The following CENATAC variants were observed in gnomAD, a reference collection of about 807,000 sequenced individuals.
The protein encoded by CENATAC is coiled-coil domain containing 84.
Under a neutral mutation model 53.7 loss-of-function variants are expected in CENATAC, and 53 were observed. The ratio of observed to expected loss-of-function variants is 0.99; its 90% CI spans 0.79 to 1.24. CENATAC has a LOEUF of 1.24. CENATAC is among the 50% of genes most tolerant of loss of function. CENATAC has a pLI of 0.00. For missense variants in CENATAC, 474 were observed against 417.8 expected (o/e 1.13, Z -1.17); for synonymous variants, 156 against 144.6 (o/e 1.08, Z -0.57).
chr11:119,001,554 T>A (rs916574443), intron 3 of CENATAC: 1 of 446,714 alleles, frequency 2.2e-6, no homozygotes, highest in Non-Finnish European at 4.5e-6. Flanking sequence ...AAAAGACTAG[T>A]ATCTACATAT....
At chr11:118,998,829 G>A (rs11822103) in intron 2 of CENATAC, among the ~76,000 whole-genome samples, 182 bp from the exon 3 acceptor site, 33,116 of 152,004 alleles carry the variant, frequency 0.22, 3,899 homozygotes, top group Middle Eastern at 0.32. Context: ...CCTCCCCTCA[G>A]ATTCTCACAA....
intron 4 of CENATAC, among the ~76,000 whole-genome samples, 173 bp downstream of exon 4, chr11:119,011,003 G>A (rs1942842949): frequency 1.3e-5 from 2 of 152,142 alleles, no homozygotes. Flanking sequence ...TACCTTGCAT[G>A]CCCAGTTCAC....
chr11:119,012,335 C>A (rs886247427), intron 7 of CENATAC, 81 bp downstream of exon 7: 128 of 1,457,790 alleles, frequency 8.8e-5, no homozygotes, highest in Admixed American at 1.8e-4. Context: ...TCTACCTATT[C>A]AAGCCACTGC....
chr11:119,011,965 G>A lies in CENATAC; in HGVS notation c.540G>A (p.Glu180=), dbSNP rs1173320837. Residue 180 remains glutamate (E), a synonymous_variant, in exon 6 of 11, where the codon GAG becomes GAA. Coordinates refer to ENST00000334418, the MANE Select transcript of CENATAC (RefSeq NM_198489.3). ...CTCAGGCAGTGCCAGACCCAGAAGA[G>A]GGCTCTTCAGCACCTAGAAGCTGGA... is the stretch of plus-strand genomic sequence containing the variant. ...LEPQAVPDPE[E]GSSAPRSWKG... 1 of 1,614,068 alleles carries A rather than the reference G, an allele frequency of 6.2e-7. No homozygotes were observed. Among genetic ancestry groups the A allele is most frequent in the South Asian group, 1.1e-5 (1 of 91,066 alleles).
At chr11:119,001,832 G>A (rs1942312999) in intron 3 of CENATAC, 2 of 355,672 alleles carry the variant, frequency 5.6e-6, no homozygotes, top group Admixed American at 3.4e-5. Context: ...TGAGGTAAGA[G>A]GATAGCTTGA....
At chr11:119,006,895 G>A (rs1001816053) in intron 3 of CENATAC, among the ~76,000 whole-genome samples, 3 of 152,148 alleles carry the variant, frequency 2.0e-5, no homozygotes, top group Non-Finnish European at 4.4e-5. Flanking sequence ...CCTTTCACTT[G>A]GTTTTCATTC....
chr11:119,004,597 T>G (rs1315146472), intron 3 of CENATAC: 1 of 152,186 alleles, frequency 6.6e-6, no homozygotes, highest in Non-Finnish European at 1.5e-5. Flanking sequence ...GGGCATATAG[T>G]CCTACCTACT....
intron 5 of CENATAC, 69 bp from the exon 6 acceptor site, chr11:119,011,870 G>A: frequency 4.4e-6 from 6 of 1,357,278 alleles, no homozygotes. Flanking sequence ...GGGTCTGGAG[G>A]GTGGAGGCAT....
At chr11:119,015,262 T>C (rs1322483900) in intron 9 of CENATAC, 45 bp from the exon 10 acceptor site, 2 of 1,561,186 alleles carry the variant, frequency 1.3e-6, no homozygotes, top group Non-Finnish European at 1.7e-6. Flanking sequence ...CCCATCTCTA[T>C]ATTCTTCAAT....
At chr11:119,004,928 C>A (rs1262176200) in intron 3 of CENATAC, 2 of 151,958 alleles carry the variant, frequency 1.3e-5, no homozygotes, top group Non-Finnish European at 1.5e-5. Context: ...AGCATGGTGA[C>A]ATTTGCCTGT....
chr11:119,011,321 T>C (rs1489081218), intron 5 of CENATAC, 38 bp downstream of exon 5: 3 of 1,596,886 alleles, frequency 1.9e-6, no homozygotes, highest in Non-Finnish European at 8.6e-7. Flanking sequence ...AGTATCCAAA[T>C]CCACTGATCC....
chr11:119,004,778 A>G (rs556255840), intron 3 of CENATAC: 9 of 154,002 alleles, frequency 5.8e-5, no homozygotes, highest in African/African-American at 2.2e-4. Flanking sequence ...AAAAAAGGCA[A>G]TTCAGTTGCA....
intron 3 of CENATAC, chr11:119,004,789 G>A (rs1942497660): frequency 6.5e-6 from 1 of 153,700 alleles, no homozygotes; most frequent in Non-Finnish European, 1.5e-5. Context: ...TTCAGTTGCA[G>A]TGGCTCATGA....
rs782458323 is a variant in CENATAC, at chr11:118,998,424, C to T, written c.121-6C>T. On this transcript the variant is annotated splice_polypyrimidine_tract_variant and splice_region_variant and intron_variant, in intron 1 of 10. Coordinates refer to ENST00000334418, the MANE Select transcript of CENATAC (RefSeq NM_198489.3). Reference sequence around the variant, plus strand: ...CTCGGGGTTCTACTTGGCCTCTCTGCGGCAGGTGGAGGCGGCCCGCAAGGC... The same window carrying T: ...CTCGGGGTTCTACTTGGCCTCTCTGTGGCAGGTGGAGGCGGCCCGCAAGGC... The T allele has an allele frequency of 1.1e-5, 17 of 1,612,074 alleles. No individual in the cohort carries two copies. Among genetic ancestry groups the T allele is most frequent in the Middle Eastern group, 1.6e-4 (1 of 6,076 alleles).
At chr11:118,999,932 G>A (rs995350459) in intron 3 of CENATAC, among the ~76,000 whole-genome samples, 13 of 152,068 alleles carry the variant, frequency 8.5e-5, no homozygotes, top group African/African-American at 2.7e-4. Flanking sequence ...GTGAGCCACC[G>A]CGCCCGGCCA....
At chr11:119,001,558 T>C in intron 3 of CENATAC, 1 of 450,086 alleles carries the variant, frequency 2.2e-6, no homozygotes, top group Non-Finnish European at 4.5e-6. Flanking sequence ...GACTAGTATC[T>C]ACATATATTT....
intron 3 of CENATAC, chr11:119,001,587 C>T (rs1021490961): frequency 2.2e-6 from 1 of 454,250 alleles, no homozygotes; most frequent in Non-Finnish European, 4.4e-6. Flanking sequence ...CATGACATAC[C>T]TTTTTAATTT....
chr11:118,998,788 C>T (rs1942141864), intron 2 of CENATAC, among the ~76,000 whole-genome samples, 195 bp downstream of exon 2: 1 of 152,168 alleles, frequency 6.6e-6, no homozygotes, highest in South Asian at 2.1e-4. Context: ...GGTGGTCTGG[C>T]TGCGAGAGCC....
chr11:119,008,790 G>A (rs1942731726), intron 3 of CENATAC, among the ~76,000 whole-genome samples: 4 of 152,206 alleles, frequency 2.6e-5, no homozygotes, highest in Admixed American at 2.0e-4. Context: ...CAAGGGCAGA[G>A]GTCCCTGCGG....
Sources: gnomAD v4.1 joint callset for allele counts (sites outside exome capture counted in the v4.1 genomes callset) on GRCh38, gnomAD v4.1.1 for gene constraint, MANE v1.5 for transcripts, NCBI Gene and HGNC (gene_info 2026-07-23, HGNC 2026-07-21) for gene names.